TULP1: variants seen among roughly 807,000 people sequenced by gnomAD.
TULP1 encodes the protein tubby-related protein 1.
A neutral mutation model predicts 67.1 loss-of-function variants in TULP1; 50 were observed. The ratio of observed to expected loss-of-function variants is 0.75; its 90% CI spans 0.59 to 0.94. The LOEUF is 0.94. Ranked by LOEUF, TULP1 falls within the 40% of genes least tolerant of loss-of-function variation. The probability of loss-of-function intolerance (pLI) is 0.00; values close to 1 mark genes in which losing one functional copy is unlikely to be tolerated. For synonymous variants in TULP1, 297 were observed against 294.0 expected, an observed-to-expected ratio of 1.01 and a Z score of -0.11; for missense variants, 746 against 734.1, an observed-to-expected ratio of 1.02 and a Z score of -0.19.
In TULP1 at chr6:35,503,713, A is replaced by T; in HGVS notation, c.1224+24T>A. 1.2e-6 allele frequency: 2 copies of T among 1,608,220 alleles called. No individual in the cohort carries two copies. Among genetic ancestry groups the T allele is most frequent in the Non-Finnish European group, 1.7e-6 (2 of 1,177,344 alleles). On this transcript the variant is annotated intron_variant, in intron 12 of 14. Coordinates refer to ENST00000229771, the MANE Select transcript of TULP1 (RefSeq NM_003322.6). The surrounding 1 kb of genome is among the most constrained non-coding windows in gnomAD (Gnocchi z 4.0). Reference sequence around the variant, plus strand: ...GCCCCTGTAAGGGGAGCAGCCTGGCATGGGGGACAGGTGGAGTCCTCACAT... The same window carrying T: ...GCCCCTGTAAGGGGAGCAGCCTGGCTTGGGGGACAGGTGGAGTCCTCACAT...
Position 35,503,627 on chromosome 6 carries a change from G to T in TULP1, c.1255C>A (p.Arg419=), listed in dbSNP as rs775334320. The T allele has an allele frequency of 2.1e-5, 33 of 1,598,890 alleles. 1 individual carries two copies. The South Asian group carries it at 3.6e-4, about 18-fold the overall frequency. The change falls in exon 13 of 15, where the codon CGG becomes AGG. Residue 419 remains arginine, a synonymous_variant. Transcript: ENST00000229771. This position sits in a 1 kb window ranked among gnomAD's most constrained non-coding sequence, Gnocchi z 4.0. The part of the protein sequence containing the change: ...ETNVLGFRGP[R]RMTVIIPGMS... Reference sequence around the variant, plus strand: ...CCAGGAATGATGACGGTCATGCGCCGGGGGCCACGGAAGCCCAGCACGTTG... The same window carrying T: ...CCAGGAATGATGACGGTCATGCGCCTGGGGCCACGGAAGCCCAGCACGTTG...
chr6:35,500,042 G>A lies in TULP1; in HGVS notation c.1434C>T (p.Asn478=), dbSNP rs770079177. Residue 478 remains asparagine, a synonymous_variant, in exon 14 of 15, where the codon AAC becomes AAT. Coordinates refer to ENST00000229771, the MANE Select transcript of TULP1 (RefSeq NM_003322.6). ...AGGCCTGGGTGACCCGGCCTTGGAA[G>A]TTGAGGGTGTAGGAGCCACTGTCAT... ...WNDDSGSYTL[N]FQGRVTQASV... is the part of the protein sequence containing the mutation. 17 of 1,614,112 alleles carry A rather than the reference G, an allele frequency of 1.1e-5. No homozygotes were observed. The highest frequency in any genetic ancestry group is 1.4e-5 in the Non-Finnish European group (17 of 1,180,050).
chr6:35,501,839 CAT>C (rs368115619), intron 13 of TULP1, among the ~76,000 whole-genome samples: 34 of 152,256 alleles, frequency 2.2e-4, no homozygotes, highest in African/African-American at 7.9e-4. Flanking sequence ...AAAAACAAGT[CAT>C]GTCACTCCTT....
chr6:35,503,649 G>A lies in TULP1; in HGVS notation c.1233C>T (p.Asn411=), dbSNP rs377376210. 52 of 1,599,468 alleles carry A rather than the reference G, an allele frequency of 3.3e-5. No homozygotes were observed. Among genetic ancestry groups the A allele is most frequent in the African/African-American group, 9.4e-5 (7 of 74,696 alleles). Residue 411 remains asparagine, a synonymous_variant, in exon 13 of 15, where the codon AAC becomes AAT. Coordinates refer to ENST00000229771, the MANE Select transcript of TULP1 (RefSeq NM_003322.6). This position sits in a 1 kb window ranked among gnomAD's most constrained non-coding sequence, Gnocchi z 4.0. ...GCCGGGGGCCACGGAAGCCCAGCAC[G>A]TTGGTTTCCTGGGAAGGAAACAGAT... The part of the protein sequence containing the change: ...QELAAVIYET[N]VLGFRGPRRM...
At chr6:35,511,060 T>A (rs759109789) in intron 4 of TULP1, 50 bp from the exon 5 acceptor site, 8 of 1,598,066 alleles carry the variant, frequency 5.0e-6, no homozygotes, top group African/African-American at 1.3e-5. Context: ...GCCCTCCTTA[T>A]CTGGGGAGCC....
In TULP1 at chr6:35,512,833, C is replaced by T. The variant is rs886061338; in HGVS notation, c.26G>A (p.Arg9Gln). The change falls in exon 1 of 15, where the codon CGA becomes CAA. Residue 9 changes from arginine (R) to glutamine (Q), a missense_variant. Physicochemically the swap from Arg to Gln is conservative, Grantham distance 43. Coordinates refer to ENST00000229771, the MANE Select transcript of TULP1 (RefSeq NM_003322.6). MPLRDETL[R>Q]EVWASDSGHE... ...AGACCTGTCAGAGGCCCACACCTCT[C>T]GGAGGGTTTCATCCCGCAGAGGCAT... The T allele has an allele frequency of 2.5e-6, 4 of 1,608,110 alleles. No individual in the cohort carries two copies. The highest frequency in any genetic ancestry group is 1.4e-5 in the African/African-American group (1 of 73,976).
In TULP1 at chr6:35,506,050, G is replaced by C. The variant is rs1214001883; in HGVS notation, c.952C>G (p.Arg318Gly). The C allele has an allele frequency of 1.2e-6, 2 of 1,613,808 alleles. No individual in the cohort carries two copies. The part of the protein sequence containing the change: ...RLTRDKKGMD[R>G]GMYPSYFLHL... ...AGGAAGTAGGAGGGATACATGCCTC[G>C]ATCCATGCCCTTTTTGTCCCGGGTC... Residue 318 changes from arginine to glycine, a missense_variant, in exon 10 of 15, where the codon CGA becomes GGA. By Grantham distance (125) the Arg-to-Gly change is moderately radical. Around this residue, in one of 3 missense-constraint regions of TULP1, gnomAD observed 383 missense variants for 374.1 expected, o/e 1.02. Coordinates refer to ENST00000229771, the MANE Select transcript of TULP1 (RefSeq NM_003322.6).
In TULP1 at chr6:35,505,941, G is replaced by A; in HGVS notation, c.999+62C>T. 3 of 1,614,100 alleles carry A rather than the reference G, an allele frequency of 1.9e-6. No individual in the cohort carries two copies. In the South Asian group the frequency reaches 3.3e-5, roughly 18 times the overall value. On this transcript the variant is annotated intron_variant, in intron 10 of 14. Transcript: ENST00000229771. ...CTGCAGGGAGAAATCAGGCCCGTTT[G>A]TCCCGTGGCCCCCATGCCGGATCCC...
At position 35,503,616 on chromosome 6, in the gene TULP1, G is replaced by T. The variant is rs747534563; in HGVS notation, c.1266C>A (p.Thr422=). The T allele has an allele frequency of 1.3e-6, 2 of 1,598,834 alleles. No homozygotes were observed. The highest frequency in any genetic ancestry group is 1.7e-6 in the Non-Finnish European group (2 of 1,173,058). The change falls in exon 13 of 15, where the codon ACC becomes ACA. Residue 422 remains threonine, a synonymous_variant. Transcript: ENST00000229771. This position sits in a 1 kb window ranked among gnomAD's most constrained non-coding sequence, Gnocchi z 4.0. The stretch of plus-strand genomic sequence containing the variant: ...CCGCACTCATGCCAGGAATGATGAC[G>T]GTCATGCGCCGGGGGCCACGGAAGC... The part of the protein sequence containing the change: ...VLGFRGPRRM[T]VIIPGMSAEN...
Position 35,500,110 on chromosome 6 carries a change from C to T in TULP1, c.1366G>A (p.Glu456Lys). The T allele has an allele frequency of 1.2e-6, 2 of 1,614,172 alleles. No individual in the cohort carries two copies. The highest frequency in any genetic ancestry group is 1.7e-6 in the Non-Finnish European group (2 of 1,180,030). ...LLVRWQNKTL[E>K]SLIELHNKPP... ...TTGTTGTGCAGTTCTATGAGGCTCT[C>T]CAGCGTCTTGTTCTGCCAGCGCACC... Residue 456 changes from glutamate (E) to lysine (K), a missense_variant, in exon 14 of 15, where the codon GAG becomes AAG. By Grantham distance (56) the Glu-to-Lys change is moderately conservative. This residue lies in a region of TULP1 where 383 missense variants were observed against 374.1 expected (regional missense o/e 1.02). Coordinates refer to ENST00000229771, the MANE Select transcript of TULP1 (RefSeq NM_003322.6).
Position 35,505,992 on chromosome 6 carries a change from T to G in TULP1, c.999+11A>C, listed in dbSNP as rs369348233. 7.2e-5 allele frequency: 116 copies of G among 1,613,908 alleles called. No homozygotes were observed. The highest frequency in any genetic ancestry group is 1.6e-4 in the Middle Eastern group (1 of 6,084). On this transcript the variant is annotated intron_variant, in intron 10 of 14. Coordinates refer to ENST00000229771, the MANE Select transcript of TULP1 (RefSeq NM_003322.6). ...TCCACACTCCCTCCTCTGCTGCCTC[T>G]CCCCACCCACCTTCTTCTCCGTGTC...
Position 35,503,336 on chromosome 6 carries a change from G to A in TULP1, c.1323+223C>T, listed in dbSNP as rs568925760. 194 of 575,590 alleles carry A rather than the reference G, an allele frequency of 3.4e-4. No homozygotes were observed. Among genetic ancestry groups the A allele is most frequent in the Non-Finnish European group, 5.4e-4 (173 of 321,474 alleles). The allele number at this position is 575,590 out of a possible 1,614,324, so 35.7% of individuals were successfully genotyped here. A position where few individuals can be genotyped will look rare whatever the true frequency, so the allele number is the denominator to read the frequency against. On this transcript the variant is annotated intron_variant, in intron 13 of 14. Transcript: ENST00000229771. The surrounding 1 kb of genome is among the most constrained non-coding windows in gnomAD (Gnocchi z 4.0). The stretch of plus-strand genomic sequence containing the variant: ...GTGGTCAATGAAGATATGAATGGAT[G>A]TAATATATGAATTTGATGTAAACTC...
In TULP1 at chr6:35,503,069, C is replaced by T. The variant is rs1217216574; in HGVS notation, c.1323+490G>A. ...TCTCCTGCCTCAGCCTCCCAAGTAG[C>T]TGGGACTATAGGCGCCCGCCACCAT... On this transcript the variant is annotated intron_variant, in intron 13 of 14. Coordinates refer to ENST00000229771, the MANE Select transcript of TULP1 (RefSeq NM_003322.6). This position sits in a 1 kb window ranked among gnomAD's most constrained non-coding sequence, Gnocchi z 4.0. 6.6e-6 allele frequency among the ~76,000 whole-genome samples: 1 copy of T among 152,014 alleles called. No individual in the cohort carries two copies. Among genetic ancestry groups the T allele is most frequent in the East Asian group, 1.9e-4 (1 of 5,152 alleles).
rs367777984 is a variant in TULP1 at position 35,509,815 on chromosome 6, G to C, written c.601+12C>G. 1 of 1,613,872 alleles carries C rather than the reference G, an allele frequency of 6.2e-7. No homozygotes were observed. Among genetic ancestry groups the C allele is most frequent in the African/African-American group, 1.3e-5 (1 of 74,864 alleles). On this transcript the variant is annotated intron_variant, in intron 6 of 14. Transcript: ENST00000229771. ...AACTGGAGTCCCCTGTTCCTCCCTA[G>C]GCTGGGCTCACCTTTCTTCTTGGTC...
Position 35,503,659 on chromosome 6 carries a change from TG to T in TULP1, c.1225-3del. ...ACGGAAGCCCAGCACGTTGGTTTCC[TG>T]GGAAGGAAACAGATGCCTGTGAGGC... On this transcript the variant is annotated splice_region_variant and splice_polypyrimidine_tract_variant and intron_variant, in intron 12 of 14. Transcript: ENST00000229771. This position sits in a 1 kb window ranked among gnomAD's most constrained non-coding sequence, Gnocchi z 4.0. The T allele has an allele frequency of 6.3e-7, 1 of 1,598,438 alleles. No homozygotes were observed.
chr6:35,508,600 G>C (rs1415219485), intron 8 of TULP1, among the ~76,000 whole-genome samples: 1 of 152,196 alleles, frequency 6.6e-6, no homozygotes, highest in Admixed American at 6.5e-5. Context: ...TCCAGCTTTT[G>C]TGTGTTGGTG....
intron 8 of TULP1, among the ~76,000 whole-genome samples, chr6:35,508,438 T>A (rs1761124129): frequency 6.6e-6 from 1 of 152,116 alleles, no homozygotes. Flanking sequence ...TGTGAATCAG[T>A]CCCCCTAGAC....
chr6:35,512,096 C>G (rs1329354153), intron 3 of TULP1, 84 bp downstream of exon 3: 1 of 831,794 alleles, frequency 1.2e-6, no homozygotes, highest in Admixed American at 3.7e-5. Context: ...TTCCAGGGCT[C>G]GGCGACACCC....
At position 35,509,851 on chromosome 6, in the gene TULP1, T is replaced by C; in HGVS notation, c.577A>G (p.Lys193Glu). The C allele has an allele frequency of 6.2e-7, 1 of 1,614,112 alleles. No homozygotes were observed. The highest frequency in any genetic ancestry group is 2.2e-5 in the East Asian group (1 of 44,866). Residue 193 changes from lysine (K) to glutamate (E), a missense_variant, in exon 6 of 15, where the codon AAG becomes GAG. Lys to Glu is a moderately conservative substitution (Grantham distance 56). Transcript: ENST00000229771. ...NKEAPAGEGTKMRKTKKKGSG... is the reference protein window; with the variant it reads ...NKEAPAGEGTEMRKTKKKGSG... ...CCTTTCTTCTTGGTCTTTCTCATCTTGGTCCCCTCCCCTGCTGGAGCTTCC... is the reference window on the plus strand; with the variant it reads ...CCTTTCTTCTTGGTCTTTCTCATCTCGGTCCCCTCCCCTGCTGGAGCTTCC...
Sources: gnomAD v4.1 joint callset for allele counts (sites outside exome capture counted in the v4.1 genomes callset) on GRCh38, gnomAD v4.1.1 for gene constraint, gnomAD v4.1.1 regional missense constraint, Gnocchi (gnomAD v3.1) non-coding constraint, MANE v1.5 for transcripts, NCBI Gene and HGNC (gene_info 2026-07-23, HGNC 2026-07-21) for gene names.